Variants in SHANK2 observed in about 807,000 individuals in gnomAD.
SHANK2 encodes SH3 and multiple ankyrin repeat domains 2.
A neutral mutation model predicts 133.7 loss-of-function variants in SHANK2; 43 were observed. The observed-to-expected ratio is 0.32, with a 90% CI of 0.25 to 0.41. SHANK2 has a LOEUF of 0.41. Ranked by LOEUF, SHANK2 falls within the 10% of genes least tolerant of loss-of-function variation. The probability of loss-of-function intolerance (pLI) is 1.00; values close to 1 mark genes in which losing one functional copy is unlikely to be tolerated. For missense variants in SHANK2, 1,994 were observed against 2,235.8 expected (o/e 0.89, Z 2.18); for synonymous variants, 1,017 against 952.8 (o/e 1.07, Z -1.24).
At position 70,662,005 on chromosome 11, in the gene SHANK2, C is replaced by G. The variant is rs149393699; in HGVS notation, c.1854-327G>C. The stretch of plus-strand genomic sequence containing the variant: ...GAGGCTCAAGGGGGGCTGGCCAGGA[C>G]GCCGCCCAGGGCAAAGAAAGTAAGT... On this transcript the variant is annotated intron_variant, in intron 15 of 25. Coordinates refer to ENST00000601538, the MANE Select transcript of SHANK2 (RefSeq NM_012309.5). 5.1e-6 allele frequency: 3 copies of G among 583,722 alleles called. No homozygotes were observed. The African/African-American group carries it at 5.6e-5, about 11-fold the overall frequency. The allele number at this position is 583,722 out of a possible 1,614,324, so 36.2% of individuals were successfully genotyped here. A position where few individuals can be genotyped will look rare whatever the true frequency, so the allele number is the denominator to read the frequency against.
intron 17 of SHANK2, among the ~76,000 whole-genome samples, chr11:70,534,915 G>T (rs1388020975): frequency 6.6e-6 from 1 of 152,078 alleles, no homozygotes; most frequent in Non-Finnish European, 1.5e-5. Flanking sequence ...ACAGAGATGA[G>T]GATAGTCAAG....
chr11:71,118,696 T>G, intron 4 of SHANK2, 133 bp downstream of exon 4: 1 of 807,726 alleles, frequency 1.2e-6, no homozygotes, highest in Non-Finnish European at 1.9e-6. Flanking sequence ...GACCCCAGAC[T>G]GATTTTTAAA....
At chr11:70,880,630 G>A (rs1019891851) in intron 11 of SHANK2, among the ~76,000 whole-genome samples, 1 of 152,214 alleles carries the variant, frequency 6.6e-6, no homozygotes, top group Non-Finnish European at 1.5e-5. Context: ...TCTGCTCCTC[G>A]CCCACCCCTG....
chr11:70,778,093 C>A (rs564825262), intron 14 of SHANK2, among the ~76,000 whole-genome samples: 1 of 152,172 alleles, frequency 6.6e-6, no homozygotes, highest in Non-Finnish European at 1.5e-5. Flanking sequence ...ACTGTCAATG[C>A]CAACAGAGGC....
chr11:70,787,093 C>T (rs1279661196), intron 14 of SHANK2, among the ~76,000 whole-genome samples: 1 of 151,610 alleles, frequency 6.6e-6, no homozygotes, highest in Non-Finnish European at 1.5e-5. Context: ...CCACCAGCAT[C>T]ACCACCATCA....
chr11:70,899,087 A>G (rs556013751), intron 10 of SHANK2, among the ~76,000 whole-genome samples: 6 of 152,298 alleles, frequency 3.9e-5, no homozygotes, highest in African/African-American at 1.4e-4. Context: ...GTCTCTGCCC[A>G]AAGACTTACG....
chr11:71,116,630 G>A (rs2135255220), intron 4 of SHANK2, among the ~76,000 whole-genome samples: 1 of 152,362 alleles, frequency 6.6e-6, no homozygotes, highest in Admixed American at 6.5e-5. Context: ...TGTTACTCAA[G>A]GACTCAGAGA....
chr11:71,085,632 TATATATA>T (rs1173857113), intron 8 of SHANK2, among the ~76,000 whole-genome samples: 4 of 66,466 alleles, frequency 6.0e-5, no homozygotes, highest in African/African-American at 2.4e-4. Flanking sequence ...TATATTATAA[TATATATA>T]ATATATTATG....
At chr11:70,667,291 C>T (rs1329450900) in intron 15 of SHANK2, among the ~76,000 whole-genome samples, 6 of 152,180 alleles carry the variant, frequency 3.9e-5, no homozygotes, top group Non-Finnish European at 5.9e-5. Context: ...CTGGGAGCCA[C>T]TTGGAGGAGA....
chr11:70,908,426 C>T (rs1445849000), intron 10 of SHANK2, among the ~76,000 whole-genome samples: 1 of 152,238 alleles, frequency 6.6e-6, no homozygotes, highest in Non-Finnish European at 1.5e-5. Flanking sequence ...GCATGTCAAG[C>T]TGCCAAGGAG....
chr11:70,582,054 G>A (rs2060191654), intron 17 of SHANK2, among the ~76,000 whole-genome samples: 2 of 152,220 alleles, frequency 1.3e-5, no homozygotes, highest in African/African-American at 4.8e-5. Flanking sequence ...CCCGGGCCAG[G>A]TCCAGTCTCC....
At chr11:70,799,754 G>C (rs1330536269) in intron 13 of SHANK2, among the ~76,000 whole-genome samples, 10 of 152,224 alleles carry the variant, frequency 6.6e-5, no homozygotes, top group Non-Finnish European at 1.2e-4. Flanking sequence ...CTACAGGGTG[G>C]AAGTTGCTGA....
At chr11:71,114,135 A>G (rs1951937134) in intron 4 of SHANK2, among the ~76,000 whole-genome samples, 1 of 152,158 alleles carries the variant, frequency 6.6e-6, no homozygotes. Flanking sequence ...CTCAACTCAC[A>G]GAGTTAACTC....
intron 17 of SHANK2, among the ~76,000 whole-genome samples, chr11:70,658,595 C>A (rs1295969669): frequency 1.3e-5 from 2 of 152,220 alleles, no homozygotes; most frequent in Non-Finnish European, 2.9e-5. Context: ...AGTTTAAGCA[C>A]CTGCTCCATC....
intron 14 of SHANK2, among the ~76,000 whole-genome samples, chr11:70,758,292 G>A (rs1449294343): frequency 6.6e-6 from 1 of 152,158 alleles, no homozygotes; most frequent in Non-Finnish European, 1.5e-5. Flanking sequence ...GCAACTGCAC[G>A]CTCTTCTGGT....
At chr11:70,684,917 G>A (rs1397296402) in intron 15 of SHANK2, among the ~76,000 whole-genome samples, 1 of 152,198 alleles carries the variant, frequency 6.6e-6, no homozygotes, top group Non-Finnish European at 1.5e-5. Flanking sequence ...AAATGCAAAG[G>A]TGAGGATAAT....
intron 14 of SHANK2, among the ~76,000 whole-genome samples, chr11:70,769,062 G>C (rs1407661146): frequency 6.6e-6 from 1 of 152,168 alleles, no homozygotes; most frequent in African/African-American, 2.4e-5. Flanking sequence ...TTCCCCAGGT[G>C]TAATTCGCTG....
chr11:71,210,862 G>A (rs1555118790), intron 2 of SHANK2, among the ~76,000 whole-genome samples: 2 of 152,180 alleles, frequency 1.3e-5, no homozygotes, highest in African/African-American at 4.8e-5. Context: ...AACATCTTGG[G>A]GGCAGTGAAG....
intron 11 of SHANK2, among the ~76,000 whole-genome samples, chr11:70,890,109 T>C (rs1424578687): frequency 6.6e-6 from 1 of 152,136 alleles, no homozygotes; most frequent in Non-Finnish European, 1.5e-5. Flanking sequence ...CAGAGGGACA[T>C]TATCTTCCAT....
Sources: gnomAD v4.1 joint callset for allele counts (sites outside exome capture counted in the v4.1 genomes callset) on GRCh38, gnomAD v4.1.1 for gene constraint, MANE v1.5 for transcripts, NCBI Gene and HGNC (gene_info 2026-07-23, HGNC 2026-07-21) for gene names.